The following PEX5L variants were observed in gnomAD, a reference collection of about 807,000 sequenced individuals.
PEX5L encodes the protein peroxisomal biogenesis factor 5 like, also known as PEX5-related protein.
In PEX5L, 30 loss-of-function variants were observed where a neutral mutation model predicts 84.0. That is an observed-to-expected ratio of 0.36 (90% confidence interval 0.27 to 0.48). PEX5L has a LOEUF of 0.48. Among genes scored for constraint, PEX5L ranks in the 20% least tolerant of loss-of-function variants. The pLI, the probability that PEX5L is intolerant of heterozygous loss-of-function variation, is 0.99. For missense variants in PEX5L, 533 were observed against 754.6 expected, an observed-to-expected ratio of 0.71 and a Z score of 3.44; for synonymous variants, 270 against 283.1, an observed-to-expected ratio of 0.95 and a Z score of 0.46.
At chr3:179,871,100 C>CTTCTT (rs1560470729) in intron 7 of PEX5L, among the ~76,000 whole-genome samples, 3 of 95,032 alleles carry the variant, frequency 3.2e-5, no homozygotes, top group Non-Finnish European at 4.1e-5. Context: ...TTGAGTTATA[C>CTTCTT]TTTTTTTTTT....
Position 179,808,146 on chromosome 3 carries a change from T to C in PEX5L, c.1518+126A>G. On this transcript the variant is annotated intron_variant, in intron 13 of 14. Coordinates refer to ENST00000467460, the MANE Select transcript of PEX5L (RefSeq NM_016559.3). ...AGCCACAGTAGCACATTATTATTAG[T>C]ACCCATCACTTTAAACCATTGGAGT... 5.7e-6 allele frequency: 4 copies of C among 698,182 alleles called. No homozygotes were observed. In the Admixed American group the frequency reaches 9.8e-5, roughly 17 times the overall value. The allele number at this position is 698,182 out of a possible 1,614,324, so 43.2% of individuals were successfully genotyped here.
intron 2 of PEX5L, among the ~76,000 whole-genome samples, chr3:179,968,725 G>GTGTGTC (rs1783997965): frequency 1.5e-5 from 2 of 135,678 alleles, no homozygotes; most frequent in African/African-American, 2.5e-5. Context: ...GTGTGTGTCT[G>GTGTGTC]TGTGTGTCTG....
intron 14 of PEX5L, among the ~76,000 whole-genome samples, chr3:179,802,603 GAAAGAATAATAGCA>G (rs1311893132): frequency 3.3e-5 from 5 of 150,762 alleles, no homozygotes; most frequent in East Asian, 3.9e-4. Context: ...ACGTGGGAGA[GAAAGAATAATAGCA>G]AAACCATGCA....
chr3:179,815,310 C>T (rs750411483), intron 10 of PEX5L, among the ~76,000 whole-genome samples: 77 of 152,218 alleles, frequency 5.1e-4, no homozygotes, highest in Non-Finnish European at 9.8e-4. Flanking sequence ...TACCGCTGGG[C>T]GCGGTGGCTC....
In PEX5L at chr3:179,809,542, G is replaced by A. The variant is rs774052296; in HGVS notation, c.1281C>T (p.Tyr427=). 16 of 1,613,908 alleles carry A rather than the reference G, an allele frequency of 9.9e-6. No individual in the cohort carries two copies. Among genetic ancestry groups the A allele is most frequent in the Admixed American group, 5.0e-5 (3 of 59,994 alleles). ...LKNWIKQNPK[Y]KYLVKSKKGS... ...CCTTCTTGCTTTTCACAAGGTATTTGTACTTTGGATTTTGCTTAATCCAAT... is the reference window on the plus strand; with the variant it reads ...CCTTCTTGCTTTTCACAAGGTATTTATACTTTGGATTTTGCTTAATCCAAT... Residue 427 remains tyrosine (Y), a synonymous_variant, in exon 12 of 15, where the codon TAC becomes TAT. Coordinates refer to ENST00000467460, the MANE Select transcript of PEX5L (RefSeq NM_016559.3).
rs182337514 is a variant in PEX5L at position 179,813,727 on chromosome 3, A to T, written c.1084-1856T>A. On this transcript the variant is annotated intron_variant, in intron 10 of 14. Coordinates refer to ENST00000467460, the MANE Select transcript of PEX5L (RefSeq NM_016559.3). ...CTGTTTAGCCCAGGCCGGACTGCGG[A>T]TTGCAGTGGCGCAATCTCGGCTCAC... Among the ~76,000 whole-genome samples, 58 of 132,516 alleles carry T rather than the reference A, an allele frequency of 4.4e-4. 1 individual carries two copies. The East Asian group carries it at 0.013, about 29-fold the overall frequency. 86.9% of individuals were successfully genotyped at this position (132,516 alleles called of 152,430 possible).
intron 7 of PEX5L, among the ~76,000 whole-genome samples, chr3:179,872,870 T>C (rs952206893): frequency 3.9e-5 from 6 of 152,276 alleles, no homozygotes; most frequent in Admixed American, 3.3e-4. Flanking sequence ...GTAAGTGCTA[T>C]AAATTTCCTT....
At chr3:179,888,262 T>C in intron 3 of PEX5L, 1 of 800,102 alleles carries the variant, frequency 1.2e-6, no homozygotes, top group Non-Finnish European at 1.8e-6. Context: ...CTGCCTCGTC[T>C]CCCTCTCTTA....
At chr3:179,946,616 G>C (rs151124683) in intron 2 of PEX5L, among the ~76,000 whole-genome samples, 1 of 152,190 alleles carries the variant, frequency 6.6e-6, no homozygotes. Context: ...CACTAACAGG[G>C]TTTCAATGGC....
intron 12 of PEX5L, among the ~76,000 whole-genome samples, chr3:179,808,941 G>C (rs1722534707): frequency 6.6e-6 from 1 of 151,570 alleles, no homozygotes; most frequent in Admixed American, 6.6e-5. Flanking sequence ...GGGCGTGTTG[G>C]CGGGCCCTTG....
Position 179,874,657 on chromosome 3 carries a change from A to G in PEX5L, c.630-234T>C, listed in dbSNP as rs181995479. On this transcript the variant is annotated intron_variant, in intron 6 of 14. Transcript: ENST00000467460. ...CTTCGATTAAAAATTCAGTTCGATT[A>G]TGGGCAAAAAGTAAATAAATGCAGT... 2.6e-4 allele frequency among the ~76,000 whole-genome samples: 38 copies of G among 147,356 alleles called. 1 individual carries two copies. Among genetic ancestry groups the G allele is most frequent in the Admixed American group, 2.5e-3 (37 of 14,568 alleles).
chr3:179,798,074 T>C lies in PEX5L; in HGVS notation c.*3754A>G, dbSNP rs1560115890. 6.6e-6 allele frequency: 1 copy of C among 152,226 alleles called. No homozygotes were observed. 9.4% of individuals were successfully genotyped at this position (152,226 alleles called of 1,614,324 possible). A position where few individuals can be genotyped will look rare whatever the true frequency, so the allele number is the denominator to read the frequency against. ...GCTACAACTGTATTCAAGTCTTGCT[T>C]GTATGGGAAGAATATACAAGAAATA... On this transcript the variant is annotated 3_prime_UTR_variant, in exon 15 of 15. Coordinates refer to ENST00000467460, the MANE Select transcript of PEX5L (RefSeq NM_016559.3).
At chr3:179,883,223 T>C (rs972477482) in intron 4 of PEX5L, among the ~76,000 whole-genome samples, 1 of 152,150 alleles carries the variant, frequency 6.6e-6, no homozygotes, top group Non-Finnish European at 1.5e-5. Flanking sequence ...ATATGCAGAC[T>C]TTTCTCATGG....
chr3:179,919,273 T>C (rs1249128547), intron 2 of PEX5L, among the ~76,000 whole-genome samples: 1 of 152,338 alleles, frequency 6.6e-6, no homozygotes, highest in Admixed American at 6.5e-5. Flanking sequence ...GATTTGAATC[T>C]GGGTTTGCTT....
chr3:179,949,500 T>C (rs1778505516), intron 2 of PEX5L, among the ~76,000 whole-genome samples: 1 of 152,204 alleles, frequency 6.6e-6, no homozygotes, highest in Non-Finnish European at 1.5e-5. Flanking sequence ...AAGCAACTGC[T>C]CCCTTTAATT....
intron 8 of PEX5L, among the ~76,000 whole-genome samples, chr3:179,841,241 A>G (rs1042611542): frequency 6.6e-5 from 10 of 152,024 alleles, no homozygotes; most frequent in Non-Finnish European, 1.2e-4. Context: ...CCCCGCCCCA[A>G]CCTGCTTTCT....
chr3:179,797,530 G>C lies in PEX5L; in HGVS notation c.*4298C>G, dbSNP rs1313319195. On this transcript the variant is annotated 3_prime_UTR_variant, in exon 15 of 15. Coordinates refer to ENST00000467460, the MANE Select transcript of PEX5L (RefSeq NM_016559.3). ...TTTTGTACCTGAGGTTATACGTTTT[G>C]CTTTTAAAAAATTGCTTTTTTACAA... The C allele has an allele frequency of 1.4e-5, 2 of 142,828 alleles. No individual in the cohort carries two copies. The highest frequency in any genetic ancestry group is 3.0e-5 in the Non-Finnish European group (2 of 66,246). The allele number at this position is 142,828 out of a possible 1,614,324, so 8.8% of individuals were successfully genotyped here.
chr3:179,934,750 A>C (rs1321877867), intron 2 of PEX5L, among the ~76,000 whole-genome samples: 1 of 152,186 alleles, frequency 6.6e-6, no homozygotes, highest in Admixed American at 6.5e-5. Context: ...TGCTGAACAC[A>C]CAAAAGGGCT....
At chr3:179,885,669 G>T (rs1365095793) in intron 4 of PEX5L, among the ~76,000 whole-genome samples, 2 of 151,974 alleles carry the variant, frequency 1.3e-5, no homozygotes, top group African/African-American at 4.8e-5. Context: ...AAAGCGGGGG[G>T]TGGAAATTTG....
Sources: allele counts gnomAD v4.1 joint callset (sites outside exome capture counted in the v4.1 genomes callset), GRCh38; gene constraint gnomAD v4.1.1; transcripts MANE v1.5; gene names NCBI Gene and HGNC (gene_info 2026-07-23, HGNC 2026-07-21).